The following DLG2 variants were observed in gnomAD, a reference collection of about 807,000 sequenced individuals.
DLG2 encodes disks large homolog 2.
DLG2 carries 45 observed loss-of-function variants against 132.5 expected under a neutral mutation model. That is an observed-to-expected ratio of 0.34 (90% CI 0.27 to 0.44). DLG2 has a LOEUF of 0.44. Among genes scored for constraint, DLG2 ranks in the 20% least tolerant of loss-of-function variants. DLG2 has a pLI of 1.00. For missense variants in DLG2, 1,045 were observed against 1,196.9 expected (o/e 0.87, Z 1.87); for synonymous variants, 424 against 419.6 (o/e 1.01, Z -0.13).
At chr11:84,324,372 G>T (rs1746056814) in intron 7 of DLG2, among the ~76,000 whole-genome samples, 2 of 151,930 alleles carry the variant, frequency 1.3e-5, no homozygotes, top group Non-Finnish European at 2.9e-5. Context: ...ATCTGTGTGG[G>T]TTTATTTCTG....
At chr11:84,662,689 A>G (rs2099695722) in intron 6 of DLG2, among the ~76,000 whole-genome samples, 2 of 149,814 alleles carry the variant, frequency 1.3e-5, no homozygotes, top group Admixed American at 1.3e-4. Flanking sequence ...AGGGAGGCTG[A>G]GACAGGAGAA....
At chr11:84,611,024 T>TACACACACACACACACAC (rs10587472) in intron 6 of DLG2, among the ~76,000 whole-genome samples, 13 of 138,116 alleles carry the variant, frequency 9.4e-5, no homozygotes, top group African/African-American at 3.5e-4. Context: ...TTAGATGACA[T>TACACACACACACACACAC]ACACACACAC....
intron 6 of DLG2, among the ~76,000 whole-genome samples, chr11:85,013,045 G>A (rs769317752): frequency 6.6e-6 from 1 of 152,148 alleles, no homozygotes; most frequent in Non-Finnish European, 1.5e-5. Flanking sequence ...TTAATGTCAT[G>A]TACCTGCCTT....
intron 6 of DLG2, among the ~76,000 whole-genome samples, chr11:84,850,892 T>C (rs1227478633): frequency 1.3e-5 from 2 of 152,082 alleles, no homozygotes; most frequent in Non-Finnish European, 2.9e-5. Context: ...AAAATAAAAG[T>C]TCTGACCAAC....
intron 16 of DLG2, among the ~76,000 whole-genome samples, chr11:83,849,313 AAT>A (rs2059229188): frequency 6.9e-6 from 1 of 145,150 alleles, no homozygotes; most frequent in South Asian, 2.1e-4. Context: ...ATAAATAAAT[AAT>A]ATATATAATA....
chr11:84,510,784 AATT>A (rs1276483157), intron 7 of DLG2, among the ~76,000 whole-genome samples: 5 of 151,998 alleles, frequency 3.3e-5, no homozygotes, highest in Admixed American at 6.6e-5. Context: ...GTATTGAGTA[AATT>A]ATTATTAAGT....
chr11:84,923,344 T>A, intron 6 of DLG2: 1 of 1,229,324 alleles, frequency 8.1e-7, no homozygotes, highest in Non-Finnish European at 1.0e-6. Context: ...GCCCAGTAAT[T>A]TCAATTAGAT....
intron 9 of DLG2, among the ~76,000 whole-genome samples, chr11:84,127,476 T>A (rs1042931710): frequency 6.6e-6 from 1 of 152,226 alleles, no homozygotes; most frequent in Admixed American, 6.5e-5. Context: ...GTGGCAAGGT[T>A]GATTCCTTGT....
intron 3 of DLG2, among the ~76,000 whole-genome samples, chr11:85,328,765 T>C (rs2081544625): frequency 6.7e-6 from 1 of 149,226 alleles, no homozygotes; most frequent in Non-Finnish European, 1.5e-5. Flanking sequence ...GTGTTGGAAG[T>C]TCTGGCCAGG....
chr11:84,813,773 A>G (rs908853812), intron 6 of DLG2, among the ~76,000 whole-genome samples: 5 of 152,048 alleles, frequency 3.3e-5, no homozygotes, highest in Admixed American at 3.3e-4. Flanking sequence ...CGATGTGAAG[A>G]CACATAGCTT....
At chr11:85,469,235 T>G (rs2092907702) in intron 3 of DLG2, 1 of 152,240 alleles carries the variant, frequency 6.6e-6, no homozygotes, top group African/African-American at 2.4e-5. Context: ...AGCTATCATT[T>G]CTCACTTGAG....
At chr11:84,564,329 C>A (rs1008835697) in intron 6 of DLG2, among the ~76,000 whole-genome samples, 2 of 152,144 alleles carry the variant, frequency 1.3e-5, no homozygotes, top group African/African-American at 4.8e-5. Context: ...CAGCACTGAA[C>A]TGTGGAGATT....
intron 15 of DLG2, among the ~76,000 whole-genome samples, chr11:83,909,074 C>T (rs1565597523): frequency 6.6e-6 from 1 of 152,166 alleles, no homozygotes; most frequent in African/African-American, 2.4e-5. Context: ...GCATCCTTGC[C>T]TCACTGAGTA....
intron 4 of DLG2, among the ~76,000 whole-genome samples, chr11:85,227,334 C>T (rs1222865834): frequency 6.6e-6 from 1 of 152,016 alleles, no homozygotes; most frequent in Non-Finnish European, 1.5e-5. Flanking sequence ...AAGAAAAAGT[C>T]TTGTAAGTAT....
At chr11:83,553,293 A>G (rs1004025838) in intron 19 of DLG2, among the ~76,000 whole-genome samples, 10 of 152,152 alleles carry the variant, frequency 6.6e-5, no homozygotes, top group African/African-American at 2.4e-4. Flanking sequence ...TCCACTATCA[A>G]TGCCATCTCA....
chr11:85,280,692 T>C (rs1179783237), intron 4 of DLG2, among the ~76,000 whole-genome samples: 1 of 151,942 alleles, frequency 6.6e-6, no homozygotes, highest in Non-Finnish European at 1.5e-5. Flanking sequence ...AAACTCACCA[T>C]AATTGGGAGC....
chr11:84,996,787 C>T (rs2057694960), intron 6 of DLG2, among the ~76,000 whole-genome samples: 2 of 152,066 alleles, frequency 1.3e-5, no homozygotes, highest in African/African-American at 4.8e-5. Context: ...AGGATGAGCA[C>T]ATTTCCAAAA....
chr11:85,092,921 G>A (rs945813647), intron 6 of DLG2, among the ~76,000 whole-genome samples: 39 of 152,228 alleles, frequency 2.6e-4, no homozygotes, highest in African/African-American at 4.8e-4. Flanking sequence ...GATTACAGGC[G>A]TGCACCACTA....
chr11:83,831,408 T>C (rs2054459646), intron 17 of DLG2, among the ~76,000 whole-genome samples: 1 of 152,148 alleles, frequency 6.6e-6, no homozygotes, highest in African/African-American at 2.4e-5. Flanking sequence ...GAGGCCTTCA[T>C]ATGTGAGAGG....
Sources: allele counts gnomAD v4.1 joint callset (sites outside exome capture counted in the v4.1 genomes callset), GRCh38; gene constraint gnomAD v4.1.1; transcripts MANE v1.5; gene names NCBI Gene and HGNC (gene_info 2026-07-23, HGNC 2026-07-21).